Variants in FUZ observed in about 807,000 individuals in gnomAD.
FUZ encodes protein fuzzy homolog.
Under a neutral mutation model 43.1 loss-of-function variants are expected in FUZ, and 31 were observed. That is an observed-to-expected ratio of 0.72 (90% CI 0.54 to 0.97). The LOEUF is 0.97. FUZ is among the 50% of genes least tolerant of loss of function. FUZ has a pLI of 0.00. For synonymous variants in FUZ, 274 were observed against 250.0 expected (o/e 1.10, Z -0.91); for missense variants, 539 against 543.8 (o/e 0.99, Z 0.09).
At position 49,807,054 on chromosome 19, in the gene FUZ, A is replaced by AC. The variant is rs775963680; in HGVS notation, c.*96dup. On this transcript the variant is annotated 3_prime_UTR_variant, in exon 11 of 11. Transcript: ENST00000313777. ...ACCCCACCCTGTTGTAGCCCCTCCTACCCCCTCCCCATCCAGGGGCTGTGT... is the reference window on the plus strand; with the variant it reads ...ACCCCACCCTGTTGTAGCCCCTCCTACCCCCCTCCCCATCCAGGGGCTGTGT... The AC allele has an allele frequency of 6.0e-5, 83 of 1,380,158 alleles. No individual in the cohort carries two copies. The highest frequency in any genetic ancestry group is 1.1e-4 in the Admixed American group (5 of 44,712). The allele number at this position is 1,380,158 out of a possible 1,614,324, so 85.5% of individuals were successfully genotyped here.
chr19:49,809,558 G>T lies in FUZ; in HGVS notation c.510C>A (p.Phe170Leu). ...GSLLQEALSG[F>L]AEAAGTTFVS... ...CGAAGGTCGTGCCCGCGGCCTCAGC[G>T]AACCCGGAGAGGGCTTCCTGGGTAC... Residue 170 changes from phenylalanine (F) to leucine (L), a missense_variant, in exon 6 of 11, where the codon TTC (phenylalanine) becomes TTA (leucine). Physicochemically the swap from Phe to Leu is conservative, Grantham distance 22. Coordinates refer to ENST00000313777, the MANE Select transcript of FUZ (RefSeq NM_025129.5). This position sits in a 1 kb window ranked among gnomAD's most constrained non-coding sequence, Gnocchi z 5.1. 3 of 1,598,352 alleles carry T rather than the reference G, an allele frequency of 1.9e-6. No homozygotes were observed. Among genetic ancestry groups the T allele is most frequent in the Non-Finnish European group, 2.5e-6 (3 of 1,176,720 alleles).
rs751200299 is a variant in FUZ at position 49,812,240 on chromosome 19, G to T, written c.318+11C>A. On this transcript the variant is annotated intron_variant, in intron 3 of 10. Coordinates refer to ENST00000313777, the MANE Select transcript of FUZ (RefSeq NM_025129.5). Reference sequence around the variant, plus strand: ...CTGGTCTGGGGAGAAAAGAGGACTGGTGAGTCTCACCATGGCTCCAAACAC... The same window carrying T: ...CTGGTCTGGGGAGAAAAGAGGACTGTTGAGTCTCACCATGGCTCCAAACAC... 8.1e-6 allele frequency: 13 copies of T among 1,603,170 alleles called. No homozygotes were observed. Among genetic ancestry groups the T allele is most frequent in the Non-Finnish European group, 1.1e-5 (13 of 1,170,738 alleles).
In FUZ at chr19:49,809,595, G is replaced by C. The variant is rs1305298756; in HGVS notation, c.493-20C>G. On this transcript the variant is annotated intron_variant, in intron 5 of 10. Transcript: ENST00000313777. This position sits in a 1 kb window ranked among gnomAD's most constrained non-coding sequence, Gnocchi z 5.1. ...GGCTTCCTGGGTACGGGAGGCAGGA[G>C]GACTGGGAGTCAGCAGACAAGCGTA... The C allele has an allele frequency of 6.4e-7, 1 of 1,574,496 alleles. No homozygotes were observed. The highest frequency in any genetic ancestry group is 8.6e-7 in the Non-Finnish European group (1 of 1,166,562).
chr19:49,808,682 T>G (rs749679018), intron 8 of FUZ, 35 bp downstream of exon 8: 1 of 1,605,902 alleles, frequency 6.2e-7, no homozygotes, highest in African/African-American at 1.3e-5. Context: ...GAAGAGGACA[T>G]GACCCCCGAC....
Position 49,807,217 on chromosome 19 carries a change from CTG to C in FUZ, c.1189_1190del (p.Gln397GlufsTer25). ...GGCTTCGCAGCCCATGGGTGGGACT[CTG>C]GGGAGACAGCAGCAGCAGCAGCCGC... ...LRRLLLLLSP[Q>X]SPTHGLRSLA... On this transcript the variant is annotated frameshift_variant, in exon 11 of 11. Coordinates refer to ENST00000313777, the MANE Select transcript of FUZ (RefSeq NM_025129.5). LOFTEE classifies it high-confidence loss of function. The C allele has an allele frequency of 1.9e-6, 3 of 1,613,342 alleles. No homozygotes were observed. The South Asian group carries it at 3.3e-5, about 18-fold the overall frequency.
chr19:49,813,294 C>T (rs555614456), upstream of FUZ: 160 of 696,746 alleles, frequency 2.3e-4, 2 homozygotes, highest in South Asian at 2.3e-3. Context: ...TATTCAGGCA[C>T]CTCCCCCAAA....
In FUZ at chr19:49,812,688, G is replaced by A; in HGVS notation, c.160C>T (p.Gln54Ter). 6.2e-7 allele frequency: 1 copy of A among 1,614,052 alleles called. No individual in the cohort carries two copies. Among genetic ancestry groups the A allele is most frequent in the South Asian group, 1.1e-5 (1 of 91,068 alleles). Reference protein sequence around the residue: ...GSLNGVHMFGQNLEVQLSSAR... With the variant: ...GSLNGVHMFG ...GAGCTCAGCTGCACCTCCAGATTCT[G>A]CCCAAACATGTGGACTCCATTGAGG... is the stretch of plus-strand genomic sequence containing the variant. The change falls in exon 2 of 11, where the codon CAG (glutamine) becomes TAG (stop). Residue 54 changes from glutamine to a stop codon, truncating the protein, a stop_gained. Transcript: ENST00000313777. LOFTEE classifies it high-confidence loss of function.
rs112600852 is a variant in FUZ, at chr19:49,809,762, A to G, written c.493-187T>C. 1.9e-4 allele frequency: 122 copies of G among 639,500 alleles called. 2 individuals carry two copies. The South Asian group carries it at 2.0e-3, about 10-fold the overall frequency. 39.6% of individuals were successfully genotyped at this position (639,500 alleles called of 1,614,324 possible). On this transcript the variant is annotated intron_variant, in intron 5 of 10. Transcript: ENST00000313777. The surrounding 1 kb of genome is among the most constrained non-coding windows in gnomAD (Gnocchi z 5.1). ...ACTTTCATACGAAGTCACATCCCCA[A>G]CTCACACTGTGAAGTCTGTGAAATC...
chr19:49,811,718 A>G lies in FUZ; in HGVS notation c.319-19T>C. 1.2e-6 allele frequency: 2 copies of G among 1,602,074 alleles called. No homozygotes were observed. The highest frequency in any genetic ancestry group is 1.7e-6 in the Non-Finnish European group (2 of 1,169,104). ...GAAGGACCTAGAAGAATCATATAGG[A>G]GAGGATGGGCGAGGGGCTGGGACTT... On this transcript the variant is annotated intron_variant, in intron 3 of 10. Transcript: ENST00000313777.
At chr19:49,807,760 G>A (rs568837417) in intron 10 of FUZ, among the ~76,000 whole-genome samples, 191 of 152,324 alleles carry the variant, frequency 1.3e-3, no homozygotes, top group Non-Finnish European at 1.9e-3. Context: ...GGGAGGTGGA[G>A]TCGCACAGCT....
In FUZ at chr19:49,813,258, C is replaced by G; in HGVS notation, c.-152G>C. ...GAGGATTAACTTCCCGCCTTCTTCA[C>G]CCAACTCAAACAGACCCTCAAACCC... On this transcript the variant is annotated 5_prime_UTR_variant, in exon 1 of 11. Transcript: ENST00000313777. 1 of 756,148 alleles carries G rather than the reference C, an allele frequency of 1.3e-6. No homozygotes were observed. The highest frequency in any genetic ancestry group is 2.3e-6 in the Non-Finnish European group (1 of 431,184). 46.8% of individuals were successfully genotyped at this position (756,148 alleles called of 1,614,324 possible).
In FUZ at chr19:49,812,689, C is replaced by A. The variant is rs1236123025; in HGVS notation, c.159G>T (p.Gly53=). ...IGSLNGVHMF[G]QNLEVQLSSA... is the part of the protein sequence containing the mutation. ...AGCTCAGCTGCACCTCCAGATTCTGCCCAAACATGTGGACTCCATTGAGGG... is the reference window on the plus strand; with the variant it reads ...AGCTCAGCTGCACCTCCAGATTCTGACCAAACATGTGGACTCCATTGAGGG... Residue 53 remains glycine, a synonymous_variant, in exon 2 of 11, where the codon GGG becomes GGT. Coordinates refer to ENST00000313777, the MANE Select transcript of FUZ (RefSeq NM_025129.5). 2 of 1,614,114 alleles carry A rather than the reference C, an allele frequency of 1.2e-6. No homozygotes were observed.
chr19:49,811,652 C>G lies in FUZ; in HGVS notation c.366G>C (p.Glu122Asp), dbSNP rs1048505512. Reference protein sequence around the residue: ...LEELTNIRNVERLKKDLRASY... With the variant: ...LEELTNIRNVDRLKKDLRASY... The stretch of plus-strand genomic sequence containing the variant: ...TCACCCTCAAGTCCTTCTTCAGTCT[C>G]TCCACGTTGCGGATATTGGTCAGTT... Residue 122 changes from glutamate to aspartate, a missense_variant, in exon 4 of 11, where the codon GAG becomes GAC. Physicochemically the swap from Glu to Asp is conservative, Grantham distance 45 (BLOSUM62 2). Transcript: ENST00000313777. The G allele has an allele frequency of 2.7e-5, 43 of 1,614,082 alleles. No individual in the cohort carries two copies. In the Admixed American group the frequency reaches 5.5e-4, roughly 21 times the overall value.
In FUZ at chr19:49,812,620, A is replaced by C; in HGVS notation, c.228T>G (p.His76Gln). 1 of 1,614,086 alleles carries C rather than the reference A, an allele frequency of 6.2e-7. No homozygotes were observed. Among genetic ancestry groups the C allele is most frequent in the Non-Finnish European group, 8.5e-7 (1 of 1,180,024 alleles). Residue 76 changes from histidine (H) to glutamine (Q), a missense_variant, in exon 2 of 11, where the codon CAT (histidine) becomes CAG (glutamine). Coordinates refer to ENST00000313777, the MANE Select transcript of FUZ (RefSeq NM_025129.5). ...ENTTVVWKSF[H>Q]DSITLIVLSS... ...CCACGTTCCCTCCTGGGGACCTGTC[A>C]TGGAAGCTTTTCCACACCACAGTCG...
At position 49,808,426 on chromosome 19, in the gene FUZ, G is replaced by A. The variant is rs745576184; in HGVS notation, c.1021C>T (p.His341Tyr). ...RNFYTLVTST[H>Y]FPPEPGPPEK... Reference sequence around the variant, plus strand: ...GCCTTCCGCTGACCTGGTGGGAAGTGCGTGGAGGTGACCAGGGTATAGAAG... The same window carrying A: ...GCCTTCCGCTGACCTGGTGGGAAGTACGTGGAGGTGACCAGGGTATAGAAG... Residue 341 changes from histidine to tyrosine, a missense_variant, in exon 10 of 11, where the codon CAC (histidine) becomes TAC (tyrosine). Physicochemically the swap from His to Tyr is moderately conservative, Grantham distance 83. Coordinates refer to ENST00000313777, the MANE Select transcript of FUZ (RefSeq NM_025129.5). 4 of 1,612,258 alleles carry A rather than the reference G, an allele frequency of 2.5e-6. No homozygotes were observed. In the South Asian group the frequency reaches 4.4e-5, roughly 18 times the overall value.
At chr19:49,807,653 C>T (rs575962910) in intron 10 of FUZ, among the ~76,000 whole-genome samples, 9 of 152,274 alleles carry the variant, frequency 5.9e-5, no homozygotes, top group East Asian at 1.9e-4. Context: ...ATACACATGG[C>T]GAACACGGCA....
intron 5 of FUZ, among the ~76,000 whole-genome samples, chr19:49,810,410 C>T (rs2073706144): frequency 6.6e-6 from 1 of 151,924 alleles, no homozygotes; most frequent in Non-Finnish European, 1.5e-5. Flanking sequence ...CGCGGTGGCT[C>T]ATGCCTGTAA....
rs2073407892 is a variant in FUZ at position 49,806,929 on chromosome 19, G to C, written c.*222C>G. 2.6e-6 allele frequency: 4 copies of C among 1,534,820 alleles called. No homozygotes were observed. Among genetic ancestry groups the C allele is most frequent in the Non-Finnish European group, 3.5e-6 (4 of 1,146,870 alleles). On this transcript the variant is annotated 3_prime_UTR_variant, in exon 11 of 11. Coordinates refer to ENST00000313777, the MANE Select transcript of FUZ (RefSeq NM_025129.5). ...TTTTTATTTTTGTTCATCTGCTGCTGTTTACATTCTGGGGGGTTAGGGGGA... is the reference window on the plus strand; with the variant it reads ...TTTTTATTTTTGTTCATCTGCTGCTCTTTACATTCTGGGGGGTTAGGGGGA...
At chr19:49,813,421 C>T (rs2073884430), upstream of FUZ, 1 of 452,056 alleles carries the variant, frequency 2.2e-6, no homozygotes, top group African/African-American at 2.0e-5. Flanking sequence ...AACCAAGAAG[C>T]CGGATTGAAG....
Sources: allele counts gnomAD v4.1 joint callset (sites outside exome capture counted in the v4.1 genomes callset), GRCh38; gene constraint gnomAD v4.1.1; non-coding constraint Gnocchi (gnomAD v3.1); transcripts MANE v1.5; gene names NCBI Gene and HGNC (gene_info 2026-07-23, HGNC 2026-07-21).